NTRK2: variants seen among roughly 807,000 people sequenced by gnomAD.
The protein encoded by NTRK2 is BDNF/NT-3 growth factors receptor.
A neutral mutation model predicts 94.5 loss-of-function variants in NTRK2; 13 were observed. The observed-to-expected ratio is 0.14, with a 90% CI of 0.09 to 0.22. NTRK2 has a LOEUF of 0.22. NTRK2 is among the 10% of genes least tolerant of loss of function. The pLI is 1.00. For synonymous variants in NTRK2, 372 were observed against 407.4 expected (o/e 0.91, Z 1.05); for missense variants, 639 against 1,071.2 (o/e 0.60, Z 5.63).
At chr9:84,874,609 C>G in intron 14 of NTRK2, 7 of 1,061,866 alleles carry the variant, frequency 6.6e-6, no homozygotes, top group Non-Finnish European at 8.0e-6. Flanking sequence ...CTTTCTCTAA[C>G]CCACGGCCAG....
At position 84,721,701 on chromosome 9, in the gene NTRK2, T is replaced by A. The variant is rs117178121; in HGVS notation, c.584-1872T>A. ...TGATACTTAGTGATGAGCAGAGCAATACCAAAAGAAGAAGTTAAAAGAGAT... is the reference window on the plus strand; with the variant it reads ...TGATACTTAGTGATGAGCAGAGCAAAACCAAAAGAAGAAGTTAAAAGAGAT... On this transcript the variant is annotated intron_variant, in intron 6 of 18. Coordinates refer to ENST00000277120, the MANE Select transcript of NTRK2 (RefSeq NM_006180.6). Among the ~76,000 whole-genome samples, 958 of 152,112 alleles carry A rather than the reference T, an allele frequency of 6.3e-3. 4 individuals carry two copies. The highest frequency in any genetic ancestry group is 0.011 in the Non-Finnish European group (723 of 68,004).
chr9:84,797,627 T>TTATATATATTATATATTATATATTA (rs1554730810), intron 12 of NTRK2, among the ~76,000 whole-genome samples: 1 of 59,212 alleles, frequency 1.7e-5, no homozygotes, highest in African/African-American at 8.5e-5. Context: ...ATACTATATA[T>TTATATATATTATATATTATATATTA]TATATATTAT....
rs35363257 is a variant in NTRK2, at chr9:84,770,153, A to AACACACACACACACAC, written c.1396+18094_1396+18109dup. Among the ~76,000 whole-genome samples the AACACACACACACACAC allele has an allele frequency of 1.7e-3, 234 of 137,040 alleles. 1 individual carries two copies. Among genetic ancestry groups the AACACACACACACACAC allele is most frequent in the African/African-American group, 4.5e-3 (163 of 35,892 alleles). The allele number at this position is 137,040 out of a possible 152,430, so 89.9% of individuals were successfully genotyped here. On this transcript the variant is annotated intron_variant, in intron 12 of 18. Transcript: ENST00000277120. ...TCCCCACTCCTGGCATGTGCATGAG[A>AACACACACACACACAC]ACACACACACACACACACACACACA...
chr9:84,899,789 G>A (rs1202033397), intron 14 of NTRK2, among the ~76,000 whole-genome samples: 1 of 152,186 alleles, frequency 6.6e-6, no homozygotes, highest in East Asian at 1.9e-4. Flanking sequence ...TGAAAAACGT[G>A]TCTGGATGTG....
intron 6 of NTRK2, among the ~76,000 whole-genome samples, chr9:84,719,876 CA>C (rs1429940338): frequency 1.3e-5 from 2 of 151,802 alleles, no homozygotes; most frequent in Admixed American, 1.3e-4. Flanking sequence ...AAAAATTAGT[CA>C]GGGGTGGTGG....
intron 8 of NTRK2, among the ~76,000 whole-genome samples, chr9:84,725,522 T>TA (rs1406912533): frequency 1.3e-5 from 2 of 152,060 alleles, no homozygotes; most frequent in Non-Finnish European, 1.5e-5. Flanking sequence ...GGGAGGAAGG[T>TA]AAGTGTGGCC....
At position 84,672,008 on chromosome 9, in the gene NTRK2, C is replaced by T. The variant is rs79495847; in HGVS notation, c.212+1048C>T. 3.4e-3 allele frequency among the ~76,000 whole-genome samples: 513 copies of T among 152,282 alleles called. 1 individual carries two copies. Among genetic ancestry groups the T allele is most frequent in the Non-Finnish European group, 6.3e-3 (430 of 68,022 alleles). ...CGTGGAAGATTGTAAGGCAAAGTTT[C>T]TCCCAGTTTTCCTTATTGTGTTTGA... On this transcript the variant is annotated intron_variant, in intron 2 of 18. Transcript: ENST00000277120.
chr9:84,819,335 G>A (rs2072630852), intron 12 of NTRK2, among the ~76,000 whole-genome samples: 1 of 152,196 alleles, frequency 6.6e-6, no homozygotes, highest in Non-Finnish European at 1.5e-5. Flanking sequence ...AGCCCCTTGA[G>A]TCGGGGTAGG....
intron 7 of NTRK2, among the ~76,000 whole-genome samples, chr9:84,723,914 A>G (rs531331641): frequency 6.6e-6 from 1 of 152,324 alleles, no homozygotes; most frequent in East Asian, 1.9e-4. Context: ...TGCATACCTA[A>G]GAGAGCGAGG....
chr9:84,867,241 A>G lies in NTRK2; in HGVS notation c.1445-2A>G. 6.2e-7 allele frequency: 1 copy of G among 1,613,928 alleles called. No individual in the cohort carries two copies. The highest frequency in any genetic ancestry group is 8.5e-7 in the Non-Finnish European group (1 of 1,179,842). On this transcript the variant is annotated splice_acceptor_variant, in intron 13 of 18. Transcript: ENST00000277120. LOFTEE classifies it high-confidence loss of function. ...AGAATATATATATTTTTCCATCTCC[A>G]GGCCCAGCCTCCGTTATCAGCAATG...
At chr9:84,925,464 A>G (rs1477951241) in intron 14 of NTRK2, among the ~76,000 whole-genome samples, 1 of 151,942 alleles carries the variant, frequency 6.6e-6, no homozygotes, top group Non-Finnish European at 1.5e-5. Flanking sequence ...TGTCTTCGTG[A>G]TCATGATCCA....
intron 12 of NTRK2, among the ~76,000 whole-genome samples, chr9:84,797,595 C>CTATATATTA (rs1564296971): frequency 0.013 from 932 of 69,570 alleles, 22 homozygotes; most frequent in Admixed American, 0.036. Flanking sequence ...ACTATATATA[C>CTATATATTA]TATATATTAT....
At chr9:84,889,008 TGAGACGGAGTCTCGCTC>T (rs2076513245) in intron 14 of NTRK2, among the ~76,000 whole-genome samples, 1 of 113,144 alleles carries the variant, frequency 8.8e-6, no homozygotes, top group African/African-American at 3.5e-5. Flanking sequence ...TTTTTTTTTT[TGAGACGGAGTCTCGCTC>T]TGTCACCCAG....
At chr9:84,981,427 AT>A (rs891206105) in intron 17 of NTRK2, among the ~76,000 whole-genome samples, 16 of 151,122 alleles carry the variant, frequency 1.1e-4, no homozygotes, top group African/African-American at 2.9e-4. Flanking sequence ...TGAAGTCTTG[AT>A]TTTTTTTTCT....
chr9:84,752,741 G>A (rs1289287377), intron 12 of NTRK2, among the ~76,000 whole-genome samples: 1 of 152,056 alleles, frequency 6.6e-6, no homozygotes, highest in East Asian at 1.9e-4. Flanking sequence ...TAAATTTCTT[G>A]TTACATAAAA....
chr9:84,699,283 G>A (rs993805884), intron 2 of NTRK2, among the ~76,000 whole-genome samples: 1 of 152,202 alleles, frequency 6.6e-6, no homozygotes, highest in African/African-American at 2.4e-5. Context: ...TGATCCGCCC[G>A]ACTTGGCCTC....
intron 12 of NTRK2, among the ~76,000 whole-genome samples, chr9:84,808,889 C>A (rs182719139): frequency 6.6e-6 from 1 of 152,176 alleles, no homozygotes; most frequent in Non-Finnish European, 1.5e-5. Context: ...ATGACACTAG[C>A]ACTTGGCAGA....
chr9:84,944,100 A>G (rs2078505810), intron 15 of NTRK2, among the ~76,000 whole-genome samples: 1 of 151,972 alleles, frequency 6.6e-6, no homozygotes, highest in African/African-American at 2.4e-5. Context: ...TGCACTGAGA[A>G]TGGGCTCTTT....
At chr9:85,007,133 G>T (rs1054019501) in intron 17 of NTRK2, among the ~76,000 whole-genome samples, 1 of 152,238 alleles carries the variant, frequency 6.6e-6, no homozygotes, top group Non-Finnish European at 1.5e-5. Context: ...TCAGCTTACA[G>T]CTGACTGGGG....
Sources: allele counts gnomAD v4.1 joint callset (sites outside exome capture counted in the v4.1 genomes callset), GRCh38; gene constraint gnomAD v4.1.1; transcripts MANE v1.5; gene names NCBI Gene and HGNC (gene_info 2026-07-23, HGNC 2026-07-21).